Variants in APP observed in about 807,000 individuals in gnomAD.
APP encodes the protein amyloid-beta precursor protein.
In APP, 31 loss-of-function variants were observed where a neutral mutation model predicts 101.4. The observed-to-expected ratio is 0.31, with a 90% CI of 0.23 to 0.41. APP has a LOEUF of 0.41. Among genes scored for constraint, APP ranks in the 10% least tolerant of loss-of-function variants. The probability of loss-of-function intolerance (pLI) is 1.00; values close to 1 mark genes in which losing one functional copy is unlikely to be tolerated. For missense variants in APP, 839 were observed against 1,003.7 expected, an observed-to-expected ratio of 0.84 and a Z score of 2.22; for synonymous variants, 366 against 364.4, an observed-to-expected ratio of 1.00 and a Z score of -0.05.
chr21:25,986,432 G>A (rs917699191), intron 8 of APP, among the ~76,000 whole-genome samples: 1 of 152,098 alleles, frequency 6.6e-6, no homozygotes, highest in African/African-American at 2.4e-5. Context: ...TCGGCCGGAT[G>A]GGGTGGCTCA....
chr21:26,163,866 TA>T lies in APP; in HGVS notation c.57+6697del, dbSNP rs1047236555. 9.9e-5 allele frequency among the ~76,000 whole-genome samples: 15 copies of T among 152,176 alleles called. No individual in the cohort carries two copies. In the South Asian group the frequency reaches 2.9e-3, roughly 29 times the overall value. ...TTTTTGAGCAACATATGCTGATTTT[TA>T]AAAAAAATATATAATTTCAATTAAA... is the stretch of plus-strand genomic sequence containing the variant. On this transcript the variant is annotated intron_variant, in intron 1 of 17. Coordinates refer to ENST00000346798, the MANE Select transcript of APP (RefSeq NM_000484.4).
intron 13 of APP, among the ~76,000 whole-genome samples, chr21:25,932,685 AG>A (rs1296958799): frequency 6.6e-6 from 1 of 152,162 alleles, no homozygotes; most frequent in Non-Finnish European, 1.5e-5. Context: ...ATCTCAGCAC[AG>A]TTAGCCTTTC....
Position 25,988,702 on chromosome 21 carries a change from C to CAAAAAAAAAAAAAAAAAAAA in APP, c.1091-6245_1091-6226dup, listed in dbSNP as rs537417600. On this transcript the variant is annotated intron_variant, in intron 8 of 17. Coordinates refer to ENST00000346798, the MANE Select transcript of APP (RefSeq NM_000484.4). ...GGGTGATAACAGCGAAACTCTGTCT[C>CAAAAAAAAAAAAAAAAAAAA]AAAAAAAAAAAAAAAAAAAAAGGAG... Among the ~76,000 whole-genome samples the CAAAAAAAAAAAAAAAAAAAA allele has an allele frequency of 3.5e-4, 22 of 62,354 alleles. 2 individuals are homozygous for CAAAAAAAAAAAAAAAAAAAA. Among genetic ancestry groups the CAAAAAAAAAAAAAAAAAAAA allele is most frequent in the African/African-American group, 1.3e-3 (20 of 15,586 alleles). The allele number at this position is 62,354 out of a possible 152,430, so 40.9% of individuals were successfully genotyped here.
rs45459492 is a variant in APP at position 26,131,270 on chromosome 21, T to TA, written c.58-19125dup. Reference sequence around the variant, plus strand: ...AAATAAATAAATTAATTAATTAATTTAAAAAAAAAGGTCTGTTGTCAATGA... The same window carrying TA: ...AAATAAATAAATTAATTAATTAATTTAAAAAAAAAAGGTCTGTTGTCAATGA... On this transcript the variant is annotated intron_variant, in intron 1 of 17. Coordinates refer to ENST00000346798, the MANE Select transcript of APP (RefSeq NM_000484.4). 4.6e-3 allele frequency among the ~76,000 whole-genome samples: 688 copies of TA among 150,950 alleles called. 2 individuals are homozygous for TA. The highest frequency in any genetic ancestry group is 7.4e-3 in the Non-Finnish European group (501 of 67,670).
At chr21:25,958,529 G>C (rs979745375) in intron 11 of APP, among the ~76,000 whole-genome samples, 2 of 146,546 alleles carry the variant, frequency 1.4e-5, no homozygotes, top group Non-Finnish European at 3.0e-5. Context: ...TGCCCGCCTT[G>C]GCCTCCCAAA....
intron 3 of APP, among the ~76,000 whole-genome samples, chr21:26,077,775 G>GAAAAA (rs796489181): frequency 1.3e-4 from 11 of 86,952 alleles, no homozygotes; most frequent in Non-Finnish European, 2.1e-4. Context: ...ACAGGAGAAG[G>GAAAAA]AAAAAAAAAA....
intron 6 of APP, among the ~76,000 whole-genome samples, chr21:26,001,267 C>A (rs962459802): frequency 4.6e-5 from 7 of 152,174 alleles, no homozygotes; most frequent in Non-Finnish European, 1.0e-4. Context: ...GTGACCCATC[C>A]AATTGCATGT....
intron 3 of APP, among the ~76,000 whole-genome samples, chr21:26,063,811 C>T (rs2046361354): frequency 6.6e-6 from 1 of 152,188 alleles, no homozygotes; most frequent in Non-Finnish European, 1.5e-5. Flanking sequence ...GTGGGCTGTG[C>T]AAACTGACTT....
At chr21:26,083,178 T>G (rs1366566589) in intron 3 of APP, among the ~76,000 whole-genome samples, 1 of 152,196 alleles carries the variant, frequency 6.6e-6, no homozygotes, top group African/African-American at 2.4e-5. Context: ...TTGCAAGGCA[T>G]TCCGCCAATA....
chr21:25,904,647 C>T (rs577432747), intron 15 of APP, among the ~76,000 whole-genome samples: 26 of 152,178 alleles, frequency 1.7e-4, no homozygotes, highest in African/African-American at 5.8e-4. Flanking sequence ...ACACTGGTAT[C>T]CAAGTCATCA....
chr21:26,136,817 T>C (rs748922912), intron 1 of APP, among the ~76,000 whole-genome samples: 12 of 152,224 alleles, frequency 7.9e-5, no homozygotes, highest in Non-Finnish European at 1.8e-4. Flanking sequence ...GGCCAGTTTA[T>C]GTGCCTGTCT....
chr21:26,006,829 T>C (rs2043551590), intron 6 of APP, among the ~76,000 whole-genome samples: 1 of 152,196 alleles, frequency 6.6e-6, no homozygotes, highest in South Asian at 2.1e-4. Context: ...TAGCAAATAA[T>C]TCGCTGTAAA....
chr21:26,052,064 C>A lies in APP; in HGVS notation c.469-871G>T, dbSNP rs766191252. 1.7e-4 allele frequency among the ~76,000 whole-genome samples: 26 copies of A among 152,218 alleles called. 1 individual carries two copies. The highest frequency in any genetic ancestry group is 1.2e-3 in the Admixed American group (19 of 15,284). ...CCAAAACACATTTTTACATAAAAAA[C>A]ATTTTATTCTACAGTGGATCCAAAT... On this transcript the variant is annotated intron_variant, in intron 4 of 17. Transcript: ENST00000346798.
rs145335295 is a variant in APP at position 26,046,829 on chromosome 21, G to C, written c.662+4171C>G. On this transcript the variant is annotated intron_variant, in intron 5 of 17. Coordinates refer to ENST00000346798, the MANE Select transcript of APP (RefSeq NM_000484.4). ...CAGGTGAGGAGCAGCTCTGCCTCCA[G>C]GGCTAGGCTGCCTACCTGGCTAGTC... is the stretch of plus-strand genomic sequence containing the variant. 1.7e-3 allele frequency among the ~76,000 whole-genome samples: 266 copies of C among 152,278 alleles called. 1 individual carries two copies. The highest frequency in any genetic ancestry group is 6.8e-3 in the Middle Eastern group (2 of 294).
chr21:26,023,574 G>A (rs2044442219), intron 5 of APP, among the ~76,000 whole-genome samples: 1 of 151,264 alleles, frequency 6.6e-6, no homozygotes, highest in African/African-American at 2.4e-5. Context: ...ATGGTGGTGT[G>A]CACCTGTAGT....
chr21:26,081,019 A>T (rs2061588505), intron 3 of APP, among the ~76,000 whole-genome samples: 1 of 152,196 alleles, frequency 6.6e-6, no homozygotes, highest in African/African-American at 2.4e-5. Context: ...TCATGACTAC[A>T]GGGTATCTTT....
intron 1 of APP, among the ~76,000 whole-genome samples, chr21:26,122,533 CCCA>C (rs1350683368): frequency 6.6e-6 from 1 of 152,134 alleles, no homozygotes; most frequent in African/African-American, 2.4e-5. Context: ...CATCTGACTT[CCCA>C]CCAGCATGAG....
At chr21:26,033,288 T>C (rs2044926908) in intron 5 of APP, among the ~76,000 whole-genome samples, 1 of 152,070 alleles carries the variant, frequency 6.6e-6, no homozygotes, top group African/African-American at 2.4e-5. Flanking sequence ...GATCTGACAG[T>C]TTTATAAGGG....
intron 2 of APP, among the ~76,000 whole-genome samples, chr21:26,091,366 G>A (rs139849419): frequency 6.6e-6 from 1 of 152,288 alleles, no homozygotes; most frequent in East Asian, 1.9e-4. Context: ...AGTACTTGGA[G>A]AGTCAAATAA....
Sources: gnomAD v4.1 joint callset for allele counts (sites outside exome capture counted in the v4.1 genomes callset) on GRCh38, gnomAD v4.1.1 for gene constraint, MANE v1.5 for transcripts, NCBI Gene and HGNC (gene_info 2026-07-23, HGNC 2026-07-21) for gene names.